ADGRB3: variants seen among roughly 807,000 people sequenced by gnomAD.
ADGRB3 encodes brain-specific angiogenesis inhibitor 3.
Under a neutral mutation model 193.4 loss-of-function variants are expected in ADGRB3, and 37 were observed. The ratio of observed to expected loss-of-function variants is 0.19; its 90% CI spans 0.15 to 0.25. The LOEUF (loss-of-function observed/expected upper bound fraction) is 0.25. Among genes scored for constraint, ADGRB3 ranks in the 10% least tolerant of loss-of-function variants. The probability of loss-of-function intolerance (pLI) is 1.00; values close to 1 mark genes in which losing one functional copy is unlikely to be tolerated. For missense variants in ADGRB3, 1,637 were observed against 1,852.9 expected (o/e 0.88, Z 2.14); for synonymous variants, 690 against 644.2 (o/e 1.07, Z -1.08).
intron 17 of ADGRB3, among the ~76,000 whole-genome samples, chr6:69,210,149 C>CATATATATAT (rs58586306): frequency 0.011 from 902 of 78,896 alleles, 107 homozygotes; most frequent in African/African-American, 0.048. Context: ...TAATATATAT[C>CATATATATAT]ATATATATAT....
At chr6:68,987,074 T>C (rs752479903) in intron 10 of ADGRB3, among the ~76,000 whole-genome samples, 4 of 152,086 alleles carry the variant, frequency 2.6e-5, no homozygotes, top group African/African-American at 4.8e-5. Context: ...TAGTAGTAAA[T>C]ATGAATGACA....
chr6:69,042,980 T>C (rs1376520782), intron 13 of ADGRB3, among the ~76,000 whole-genome samples: 1 of 152,202 alleles, frequency 6.6e-6, no homozygotes, highest in Non-Finnish European at 1.5e-5. Flanking sequence ...AACTGAGTGC[T>C]GTGGAACTTG....
At position 68,867,558 on chromosome 6, in the gene ADGRB3, A is replaced by G. The variant is rs558544524; in HGVS notation, c.758-63001A>G. ...TGGCACTGCATAGTGGAGCTATACA[A>G]AGAAGCCACCATTCTCCAGACCCCA... is the stretch of plus-strand genomic sequence containing the variant. On this transcript the variant is annotated intron_variant, in intron 3 of 31. Coordinates refer to ENST00000370598, the MANE Select transcript of ADGRB3 (RefSeq NM_001704.3). Among the ~76,000 whole-genome samples, 96 of 152,204 alleles carry G rather than the reference A, an allele frequency of 6.3e-4. 1 individual carries two copies. Among genetic ancestry groups the G allele is most frequent in the African/African-American group, 2.1e-3 (87 of 41,526 alleles).
chr6:69,055,138 A>G (rs950972779), intron 15 of ADGRB3, among the ~76,000 whole-genome samples: 4 of 152,176 alleles, frequency 2.6e-5, no homozygotes, highest in African/African-American at 9.7e-5. Flanking sequence ...TAACTGCATT[A>G]CATTTTTTAT....
chr6:68,756,577 T>C (rs1420592309), intron 3 of ADGRB3, among the ~76,000 whole-genome samples: 1 of 152,142 alleles, frequency 6.6e-6, no homozygotes, highest in African/African-American at 2.4e-5. Context: ...GGTGCTCACT[T>C]TACTGCAGGC....
intron 3 of ADGRB3, among the ~76,000 whole-genome samples, chr6:68,871,537 T>C (rs561441206): frequency 5.9e-5 from 9 of 152,302 alleles, no homozygotes; most frequent in Non-Finnish European, 1.2e-4. Context: ...AGCATGTTTT[T>C]CTTGTTGATA....
chr6:68,797,738 C>T (rs568842998), intron 3 of ADGRB3, among the ~76,000 whole-genome samples: 3 of 152,116 alleles, frequency 2.0e-5, no homozygotes, highest in South Asian at 2.1e-4. Flanking sequence ...AGAGACAAGA[C>T]GTCATCCCCT....
At chr6:69,162,730 A>C (rs1324375372) in intron 17 of ADGRB3, among the ~76,000 whole-genome samples, 1 of 152,136 alleles carries the variant, frequency 6.6e-6, no homozygotes, top group Non-Finnish European at 1.5e-5. Flanking sequence ...GAAGTAAATG[A>C]TTTTAAAAGT....
intron 17 of ADGRB3, among the ~76,000 whole-genome samples, chr6:69,141,883 T>G (rs1774350976): frequency 6.6e-6 from 1 of 152,210 alleles, no homozygotes; most frequent in Non-Finnish European, 1.5e-5. Flanking sequence ...TTTGCCTATA[T>G]GAAGCTAGTA....
intron 17 of ADGRB3, among the ~76,000 whole-genome samples, chr6:69,079,382 A>C (rs551641990): frequency 5.8e-4 from 89 of 152,222 alleles, no homozygotes; most frequent in African/African-American, 2.0e-3. Flanking sequence ...ACACCCCTTC[A>C]TGCTAAAAAC....
chr6:68,950,274 C>T (rs1464034303), intron 6 of ADGRB3, among the ~76,000 whole-genome samples: 1 of 152,060 alleles, frequency 6.6e-6, no homozygotes, highest in African/African-American at 2.4e-5. Context: ...CCAAGTTGAT[C>T]TTAAACTTAT....
intron 3 of ADGRB3, among the ~76,000 whole-genome samples, chr6:68,789,627 T>G (rs1001326695): frequency 2.0e-5 from 3 of 152,222 alleles, no homozygotes; most frequent in Non-Finnish European, 2.9e-5. Context: ...GACAATTATG[T>G]GTCTTTGAGT....
chr6:69,159,107 C>A (rs1296972876), intron 17 of ADGRB3, among the ~76,000 whole-genome samples: 1 of 152,030 alleles, frequency 6.6e-6, no homozygotes, highest in Admixed American at 6.6e-5. Context: ...TGGCTTCTTA[C>A]ATTGAGTCTG....
intron 3 of ADGRB3, among the ~76,000 whole-genome samples, chr6:68,783,195 A>G (rs986450770): frequency 1.3e-5 from 2 of 151,076 alleles, no homozygotes; most frequent in East Asian, 3.9e-4. Context: ...ACTTAAGTAT[A>G]GTGCCCACGG....
intron 29 of ADGRB3, among the ~76,000 whole-genome samples, chr6:69,370,957 C>T (rs978455399): frequency 2.6e-5 from 4 of 151,874 alleles, no homozygotes; most frequent in East Asian, 3.9e-4. Context: ...ACAATAGTGG[C>T]GGGGAGATGG....
intron 3 of ADGRB3, among the ~76,000 whole-genome samples, chr6:68,796,618 C>T (rs777223708): frequency 6.6e-6 from 1 of 152,156 alleles, no homozygotes; most frequent in Non-Finnish European, 1.5e-5. Context: ...GCCTAGGTCT[C>T]TGTTATCTTG....
rs1052004965 is a variant in ADGRB3, at chr6:69,056,082, G to A, written c.2333+6736G>A. Among the ~76,000 whole-genome samples the A allele has an allele frequency of 6.6e-5, 10 of 151,998 alleles. 1 individual carries two copies. In the South Asian group the frequency reaches 1.2e-3, roughly 19 times the overall value. On this transcript the variant is annotated intron_variant, in intron 15 of 31. Transcript: ENST00000370598. ...CTGGCCTCATGAGATCGCCACCCTC[G>A]GCCTCTCAAAGTGCTGAGATTACAG...
chr6:69,122,099 C>A (rs896289558), intron 17 of ADGRB3, among the ~76,000 whole-genome samples: 1 of 128,904 alleles, frequency 7.8e-6, no homozygotes, highest in Non-Finnish European at 1.7e-5. Flanking sequence ...CCAAGGCAGG[C>A]GGCTGGAAGG....
chr6:68,912,789 G>T (rs1766755049), intron 3 of ADGRB3, among the ~76,000 whole-genome samples: 1 of 152,148 alleles, frequency 6.6e-6, no homozygotes, highest in Non-Finnish European at 1.5e-5. Flanking sequence ...CAAGGGGTCA[G>T]GGAGTTCCCT....
Sources: allele counts gnomAD v4.1 joint callset (sites outside exome capture counted in the v4.1 genomes callset), GRCh38; gene constraint gnomAD v4.1.1; transcripts MANE v1.5; gene names NCBI Gene and HGNC (gene_info 2026-07-23, HGNC 2026-07-21).